The following SDC2 variants were observed in gnomAD, a reference collection of about 807,000 sequenced individuals.
The protein encoded by SDC2 is syndecan-2.
Under a neutral mutation model 22.2 loss-of-function variants are expected in SDC2, and 13 were observed. The ratio of observed to expected loss-of-function variants is 0.59; its 90% confidence interval spans 0.38 to 0.93. The LOEUF (loss-of-function observed/expected upper bound fraction) is 0.93, where lower values mean the gene tolerates loss of function less well. SDC2 is among the 40% of genes least tolerant of loss of function. The probability of loss-of-function intolerance (pLI) is 0.00; values close to 1 mark genes in which losing one functional copy is unlikely to be tolerated. For missense variants in SDC2, 235 were observed against 246.8 expected (o/e 0.95, Z 0.32); for synonymous variants, 94 against 92.8 (o/e 1.01, Z -0.07).
At chr8:96,520,285 C>T (rs552962469) in intron 1 of SDC2, among the ~76,000 whole-genome samples, 2 of 152,234 alleles carry the variant, frequency 1.3e-5, no homozygotes, top group East Asian at 3.9e-4. Flanking sequence ...CAAGGGCCAT[C>T]GAACTGAAGT....
At chr8:96,580,783 T>C (rs759295566) in intron 1 of SDC2, among the ~76,000 whole-genome samples, 37 of 152,264 alleles carry the variant, frequency 2.4e-4, no homozygotes, top group Non-Finnish European at 4.7e-4. Flanking sequence ...CTCATTGCCA[T>C]TGGCTACTTT....
chr8:96,503,425 A>C (rs1337463614), intron 1 of SDC2, among the ~76,000 whole-genome samples: 1 of 152,228 alleles, frequency 6.6e-6, no homozygotes, highest in Non-Finnish European at 1.5e-5. Context: ...GTTAGATATA[A>C]ACCTATGTAT....
At chr8:96,517,917 G>T (rs1364390551) in intron 1 of SDC2, among the ~76,000 whole-genome samples, 1 of 152,094 alleles carries the variant, frequency 6.6e-6, no homozygotes, top group Non-Finnish European at 1.5e-5. Flanking sequence ...TACACCAGGA[G>T]ACTTGACCAT....
chr8:96,522,230 A>G (rs1047921687), intron 1 of SDC2, among the ~76,000 whole-genome samples: 6 of 152,242 alleles, frequency 3.9e-5, no homozygotes, highest in Non-Finnish European at 5.9e-5. Context: ...CAAGTAGGAA[A>G]AAAAGTCTTG....
intron 1 of SDC2, among the ~76,000 whole-genome samples, chr8:96,501,429 C>G (rs1333858214): frequency 6.6e-6 from 1 of 150,722 alleles, no homozygotes; most frequent in African/African-American, 2.4e-5. Context: ...CTCAACCTCC[C>G]GAGTAGCTGG....
intron 1 of SDC2, chr8:96,580,364 C>T (rs991676007): frequency 2.1e-5 from 21 of 984,902 alleles, no homozygotes; most frequent in Non-Finnish European, 2.4e-5. Flanking sequence ...TGTTCCAGAG[C>T]ATTTGCCAAA....
At position 96,610,075 on chromosome 8, in the gene SDC2, T is replaced by C. The variant is rs1815151085; in HGVS notation, c.*527T>C. The C allele has an allele frequency of 6.5e-6, 1 of 152,692 alleles. No individual in the cohort carries two copies. Among genetic ancestry groups the C allele is most frequent in the African/African-American group, 2.4e-5 (1 of 41,466 alleles). 9.5% of individuals were successfully genotyped at this position (152,692 alleles called of 1,614,324 possible). On this transcript the variant is annotated 3_prime_UTR_variant, in exon 5 of 5. Transcript: ENST00000302190. Reference sequence around the variant, plus strand: ...TTAGTGTATATGTGATTTTCAAATATGTAAACTTTAACTTCCACTTTGTAT... The same window carrying C: ...TTAGTGTATATGTGATTTTCAAATACGTAAACTTTAACTTCCACTTTGTAT...
At chr8:96,574,114 C>T (rs1353245094) in intron 1 of SDC2, among the ~76,000 whole-genome samples, 2 of 151,096 alleles carry the variant, frequency 1.3e-5, no homozygotes, top group Non-Finnish European at 2.9e-5. Flanking sequence ...GTGCACACAC[C>T]CTGCACGGTG....
At chr8:96,550,299 C>T (rs575346753) in intron 1 of SDC2, among the ~76,000 whole-genome samples, 6 of 152,286 alleles carry the variant, frequency 3.9e-5, no homozygotes, top group African/African-American at 1.2e-4. Context: ...GAAATGCTCA[C>T]GGGAGCATTT....
At chr8:96,516,720 G>A (rs143166787) in intron 1 of SDC2, among the ~76,000 whole-genome samples, 82 of 152,288 alleles carry the variant, frequency 5.4e-4, no homozygotes, top group Admixed American at 9.8e-4. Flanking sequence ...CAGTTAGCAT[G>A]TTTTCAAGGT....
At chr8:96,562,106 C>T (rs1026528593) in intron 1 of SDC2, among the ~76,000 whole-genome samples, 1 of 152,128 alleles carries the variant, frequency 6.6e-6, no homozygotes, top group African/African-American at 2.4e-5. Context: ...CATTGATCTT[C>T]TAGGCATTTT....
chr8:96,506,637 G>A (rs1207331921), intron 1 of SDC2, among the ~76,000 whole-genome samples: 1 of 151,992 alleles, frequency 6.6e-6, no homozygotes, highest in African/African-American at 2.4e-5. Context: ...TCCTGGCTGA[G>A]TTTTTGTTGT....
intron 1 of SDC2, among the ~76,000 whole-genome samples, chr8:96,509,631 A>G (rs959461492): frequency 6.7e-6 from 1 of 150,266 alleles, no homozygotes. Context: ...CAATTAAATC[A>G]AAATCTATGT....
intron 1 of SDC2, among the ~76,000 whole-genome samples, chr8:96,527,611 A>G (rs1356147427): frequency 6.6e-6 from 1 of 152,200 alleles, no homozygotes; most frequent in African/African-American, 2.4e-5. Context: ...AGGGGGTCTC[A>G]TAACCTACCA....
intron 1 of SDC2, among the ~76,000 whole-genome samples, chr8:96,554,962 C>T (rs1814085806): frequency 6.6e-6 from 1 of 152,070 alleles, no homozygotes; most frequent in Admixed American, 6.6e-5. Context: ...ACTCTGTTCC[C>T]TTTCCTTGTT....
chr8:96,558,274 CG>C (rs1392939779), intron 1 of SDC2, among the ~76,000 whole-genome samples: 4 of 151,418 alleles, frequency 2.6e-5, no homozygotes, highest in Non-Finnish European at 5.9e-5. Context: ...GGCTCAGGGT[CG>C]GGGGTTCTGG....
At chr8:96,534,974 G>A (rs1335715767) in intron 1 of SDC2, among the ~76,000 whole-genome samples, 2 of 151,506 alleles carry the variant, frequency 1.3e-5, no homozygotes, top group Non-Finnish European at 1.5e-5. Flanking sequence ...TGGGCACCCA[G>A]TTAAGATGGA....
At chr8:96,564,058 C>A (rs1159971351) in intron 1 of SDC2, among the ~76,000 whole-genome samples, 1 of 152,186 alleles carries the variant, frequency 6.6e-6, no homozygotes, top group African/African-American at 2.4e-5. Context: ...GTTGTTCCTG[C>A]CGTTACCAGG....
chr8:96,609,719 ATAAAAT>A lies in SDC2; in HGVS notation c.*179_*184del, dbSNP rs768557943. On this transcript the variant is annotated 3_prime_UTR_variant, in exon 5 of 5. Coordinates refer to ENST00000302190, the MANE Select transcript of SDC2 (RefSeq NM_002998.4). ...ATTTCATGTATTTCTTTAGAACAAC[ATAAAAT>A]TAAAATTTAACATCTGCAGTGTTCT... The A allele has an allele frequency of 5.1e-5, 24 of 466,810 alleles. No individual in the cohort carries two copies. The highest frequency in any genetic ancestry group is 1.3e-4 in the South Asian group (2 of 14,848). 28.9% of individuals were successfully genotyped at this position (466,810 alleles called of 1,614,324 possible).
Sources: gnomAD v4.1 joint callset for allele counts (sites outside exome capture counted in the v4.1 genomes callset) on GRCh38, gnomAD v4.1.1 for gene constraint, MANE v1.5 for transcripts, NCBI Gene and HGNC (gene_info 2026-07-23, HGNC 2026-07-21) for gene names.